PALLD: variants seen among roughly 807,000 people sequenced by gnomAD.
PALLD encodes palladin, cytoskeletal associated protein.
A neutral mutation model predicts 123.5 loss-of-function variants in PALLD; 61 were observed. That is an observed-to-expected ratio of 0.49 (90% confidence interval 0.40 to 0.61). The LOEUF (loss-of-function observed/expected upper bound fraction) is 0.61, where lower values mean the gene tolerates loss of function less well. PALLD is among the 20% of genes least tolerant of loss of function. PALLD has a pLI of 0.00. For missense variants in PALLD, 1,273 were observed against 1,377.0 expected, an observed-to-expected ratio of 0.92 and a Z score of 1.20; for synonymous variants, 465 against 496.4, an observed-to-expected ratio of 0.94 and a Z score of 0.84.
intron 14 of PALLD, 54 bp downstream of exon 14, chr4:168,898,768 C>A: frequency 8.6e-7 from 1 of 1,161,058 alleles, no homozygotes; most frequent in Non-Finnish European, 1.3e-6. Flanking sequence ...AAAGGTTTAG[C>A]TTCCAAAACA....
Position 168,794,494 on chromosome 4 carries a change from G to GCACACACACATGCA in PALLD, c.1964+82581_1964+82582insTGCACACACACACA, listed in dbSNP as rs1213666061. On this transcript the variant is annotated intron_variant, in intron 10 of 21. Coordinates refer to ENST00000505667, the MANE Select transcript of PALLD (RefSeq NM_001166108.2). ...CGTGCACACGCACACACACATGCAC[G>GCACACACACATGCA]CACACACACACGCACACACACACAC... is the stretch of plus-strand genomic sequence containing the variant. Among the ~76,000 whole-genome samples, 194 of 135,808 alleles carry GCACACACACATGCA rather than the reference G, an allele frequency of 1.4e-3. 1 individual carries two copies. The highest frequency in any genetic ancestry group is 5.5e-3 in the African/African-American group (186 of 34,054). 89.1% of individuals were successfully genotyped at this position (135,808 alleles called of 152,430 possible).
intron 2 of PALLD, among the ~76,000 whole-genome samples, chr4:168,594,617 TCTAAC>T (rs2149701478): frequency 6.6e-6 from 1 of 152,260 alleles, no homozygotes; most frequent in South Asian, 2.1e-4. Context: ...GGTCAAATGA[TCTAAC>T]CTCTCTGGTG....
At chr4:168,711,509 T>G in intron 9 of PALLD, 72 bp from the exon 10 acceptor site, 1 of 1,052,388 alleles carries the variant, frequency 9.5e-7, no homozygotes, top group East Asian at 2.4e-5. Flanking sequence ...CTCAGAAGAC[T>G]CTGACAGTGT....
rs755990691 is a variant in PALLD, at chr4:168,915,863, TTCTA to T, written c.2718-24_2718-21del. The T allele has an allele frequency of 4.2e-5, 66 of 1,585,312 alleles. No individual in the cohort carries two copies. The African/African-American group carries it at 5.2e-4, about 13-fold the overall frequency. The stretch of plus-strand genomic sequence containing the variant: ...GTCTGGAAGTAACTACTATCTATAT[TTCTA>T]TCTATCTGTCATCTTTCTTGTTTCA... On this transcript the variant is annotated intron_variant, in intron 16 of 21. Transcript: ENST00000505667.
At chr4:168,801,451 T>C (rs1739311835) in intron 10 of PALLD, among the ~76,000 whole-genome samples, 1 of 152,122 alleles carries the variant, frequency 6.6e-6, no homozygotes, top group South Asian at 2.1e-4. Flanking sequence ...GCTAATTTTT[T>C]GTATTTTTAG....
At chr4:168,866,657 G>T (rs1412205122) in intron 10 of PALLD, among the ~76,000 whole-genome samples, 1 of 152,164 alleles carries the variant, frequency 6.6e-6, no homozygotes, top group African/African-American at 2.4e-5. Flanking sequence ...CTAGTTGATG[G>T]TACTTACACT....
chr4:168,680,515 T>C lies in PALLD; in HGVS notation c.1088-817T>C, dbSNP rs543534284. ...AAAAAAAAAAAAAAAAAAAAACACTTATCTGGAACAATACACATCAGACTT... is the reference window on the plus strand; with the variant it reads ...AAAAAAAAAAAAAAAAAAAAACACTCATCTGGAACAATACACATCAGACTT... On this transcript the variant is annotated intron_variant, in intron 3 of 21. Coordinates refer to ENST00000505667, the MANE Select transcript of PALLD (RefSeq NM_001166108.2). Among the ~76,000 whole-genome samples, 74 of 144,672 alleles carry C rather than the reference T, an allele frequency of 5.1e-4. 1 individual carries two copies. The highest frequency in any genetic ancestry group is 1.8e-3 in the African/African-American group (71 of 39,360). 94.9% of individuals were successfully genotyped at this position (144,672 alleles called of 152,430 possible).
At chr4:168,501,959 A>AT (rs1761450941) in intron 1 of PALLD, among the ~76,000 whole-genome samples, 2 of 72,188 alleles carry the variant, frequency 2.8e-5, no homozygotes, top group Admixed American at 2.6e-4. Flanking sequence ...AATTAAGAAA[A>AT]TGCAGATCAA....
intron 10 of PALLD, among the ~76,000 whole-genome samples, chr4:168,810,835 A>G (rs78904289): frequency 7.2e-6 from 1 of 137,940 alleles, no homozygotes; most frequent in Non-Finnish European, 1.6e-5. Context: ...AAGAAAAAAA[A>G]AGAAGAAGAA....
chr4:168,749,903 CTGT>C (rs1192035602), intron 10 of PALLD, among the ~76,000 whole-genome samples: 1 of 144,258 alleles, frequency 6.9e-6, no homozygotes, highest in Non-Finnish European at 1.5e-5. Flanking sequence ...ACCCCAGCAT[CTGT>C]TGTTGTCATT....
chr4:168,557,038 TTTTG>T (rs1767390173), intron 2 of PALLD, among the ~76,000 whole-genome samples: 1 of 60,956 alleles, frequency 1.6e-5, no homozygotes, highest in African/African-American at 6.1e-5. Flanking sequence ...CTTGTTTTTG[TTTTG>T]TTTTGTTTTG....
At chr4:168,738,049 A>C (rs1279874041) in intron 10 of PALLD, among the ~76,000 whole-genome samples, 2 of 152,226 alleles carry the variant, frequency 1.3e-5, no homozygotes. Flanking sequence ...TTTTCATTTT[A>C]AAACCACATT....
chr4:168,769,307 C>T (rs1734093501), intron 10 of PALLD, among the ~76,000 whole-genome samples: 1 of 152,200 alleles, frequency 6.6e-6, no homozygotes, highest in Non-Finnish European at 1.5e-5. Flanking sequence ...ACTGTCCTCA[C>T]AGTGACGTGG....
intron 10 of PALLD, among the ~76,000 whole-genome samples, chr4:168,817,286 A>G (rs77279527): frequency 0.061 from 9,271 of 152,278 alleles, 380 homozygotes; most frequent in South Asian, 0.17. Flanking sequence ...ACGCACCATC[A>G]CATTCCCTTT....
At chr4:168,804,840 T>C (rs1201313057) in intron 10 of PALLD, among the ~76,000 whole-genome samples, 1 of 152,162 alleles carries the variant, frequency 6.6e-6, no homozygotes, top group Non-Finnish European at 1.5e-5. Context: ...GGAAAAGAAC[T>C]GGAAGGTGCT....
rs1175919042 is a variant in PALLD at position 168,764,416 on chromosome 4, A to AG, written c.1964+52493_1964+52494insG. Among the ~76,000 whole-genome samples, 25 of 152,214 alleles carry AG rather than the reference A, an allele frequency of 1.6e-4. 1 individual carries two copies. The highest frequency in any genetic ancestry group is 5.5e-4 in the African/African-American group (23 of 41,536). On this transcript the variant is annotated intron_variant, in intron 10 of 21. Coordinates refer to ENST00000505667, the MANE Select transcript of PALLD (RefSeq NM_001166108.2). ...TTGGCCCCTAGGAACATTTAAAAAAATTTTTTTAGAAACAGGATCTTTCTA... is the reference window on the plus strand; with the variant it reads ...TTGGCCCCTAGGAACATTTAAAAAAAGTTTTTTTAGAAACAGGATCTTTCTA...
At chr4:168,794,492 ACGCACACACACACG>A (rs1265373127) in intron 10 of PALLD, among the ~76,000 whole-genome samples, 2 of 138,042 alleles carry the variant, frequency 1.4e-5, no homozygotes, top group Non-Finnish European at 3.1e-5. Flanking sequence ...ACACACATGC[ACGCACACACACACG>A]CACACACACA....
intron 10 of PALLD, among the ~76,000 whole-genome samples, chr4:168,883,634 G>C (rs186161927): frequency 6.6e-6 from 1 of 152,336 alleles, no homozygotes; most frequent in Admixed American, 6.5e-5. Flanking sequence ...TTGGGATTTG[G>C]TGGTGATTGA....
chr4:168,691,262 C>A lies in PALLD; in HGVS notation c.1478-7C>A. 1 of 1,605,486 alleles carries A rather than the reference C, an allele frequency of 6.2e-7. No homozygotes were observed. Among genetic ancestry groups the A allele is most frequent in the Non-Finnish European group, 8.5e-7 (1 of 1,173,934 alleles). On this transcript the variant is annotated splice_polypyrimidine_tract_variant and splice_region_variant and intron_variant, in intron 7 of 21. Coordinates refer to ENST00000505667, the MANE Select transcript of PALLD (RefSeq NM_001166108.2). ...GTTCTAATTTATTTTTTTCATGTGG[C>A]AAACAGAACCTAGATCTACAGCTGA...
Sources: gnomAD v4.1 joint callset for allele counts (sites outside exome capture counted in the v4.1 genomes callset) on GRCh38, gnomAD v4.1.1 for gene constraint, MANE v1.5 for transcripts, NCBI Gene and HGNC (gene_info 2026-07-23, HGNC 2026-07-21) for gene names.